Variants in PRKRIP1 observed in about 807,000 individuals in gnomAD.
PRKRIP1 encodes PRKR-interacting protein 1.
In PRKRIP1, 29 loss-of-function variants were observed where a neutral mutation model predicts 29.3. The observed-to-expected ratio is 0.99, with a 90% CI of 0.74 to 1.35. The LOEUF is 1.35. Ranked by LOEUF, PRKRIP1 falls within the 40% of genes most tolerant of loss-of-function variation. The probability of loss-of-function intolerance (pLI) is 0.00; values close to 1 mark genes in which losing one functional copy is unlikely to be tolerated. For missense variants in PRKRIP1, 247 were observed against 236.8 expected (o/e 1.04, Z -0.28); for synonymous variants, 90 against 85.1 (o/e 1.06, Z -0.32).
At chr7:102,419,570 C>T (rs4601239) in intron 5 of PRKRIP1, among the ~76,000 whole-genome samples, 11,141 of 152,204 alleles carry the variant, frequency 0.073, 447 homozygotes, top group African/African-American at 0.093. Context: ...AGCCTCCTCC[C>T]AACCCCCAGC....
chr7:102,416,735 A>C (rs1215690370), intron 5 of PRKRIP1, among the ~76,000 whole-genome samples: 1 of 149,182 alleles, frequency 6.7e-6, no homozygotes, highest in Non-Finnish European at 1.5e-5. Flanking sequence ...GCTGGAGTAC[A>C]GTGGCACCAT....
intron 5 of PRKRIP1, among the ~76,000 whole-genome samples, chr7:102,419,877 G>C (rs998939881): frequency 6.8e-6 from 1 of 147,984 alleles, no homozygotes; most frequent in Non-Finnish European, 1.5e-5. Flanking sequence ...GTGTGTGTGT[G>C]TGTGTGTGTG....
intron 4 of PRKRIP1, among the ~76,000 whole-genome samples, chr7:102,405,008 C>T (rs782444518): frequency 2.6e-5 from 4 of 151,880 alleles, no homozygotes; most frequent in Non-Finnish European, 4.4e-5. Context: ...CTCACTGCAA[C>T]CTCCGCCTCC....
chr7:102,403,056 G>A (rs1308852282), intron 3 of PRKRIP1, among the ~76,000 whole-genome samples: 2 of 152,022 alleles, frequency 1.3e-5, no homozygotes, highest in African/African-American at 4.8e-5. Flanking sequence ...TGTGTTTTTA[G>A]TAGAGACAGG....
intron 5 of PRKRIP1, among the ~76,000 whole-genome samples, chr7:102,418,064 T>A (rs1280451314): frequency 1.3e-5 from 2 of 148,932 alleles, no homozygotes; most frequent in Non-Finnish European, 3.0e-5. Flanking sequence ...TTTTTTTTTT[T>A]AAGATAGAGT....
In PRKRIP1 at chr7:102,397,049, G is replaced by C. The variant is rs1795923707; in HGVS notation, c.126+512G>C. ...CTTATCTAGTAGTGTTAAAGTTGGC[G>C]GTTTCTAGCTGGAAACTATGGCTTA... On this transcript the variant is annotated intron_variant, in intron 1 of 5. Transcript: ENST00000397912. Among the ~76,000 whole-genome samples the C allele has an allele frequency of 3.3e-5, 5 of 151,846 alleles. No homozygotes were observed. In the South Asian group the frequency reaches 1.0e-3, roughly 32 times the overall value.
intron 4 of PRKRIP1, 124 bp downstream of exon 4, chr7:102,404,807 A>T: frequency 7.8e-6 from 5 of 639,780 alleles, no homozygotes; most frequent in Non-Finnish European, 8.1e-6. Flanking sequence ...TAGAGCAATG[A>T]CTTCTACTAC....
At chr7:102,411,934 TTGTTTTGTTTG>T (rs1386188614) in intron 5 of PRKRIP1, among the ~76,000 whole-genome samples, 3 of 68,966 alleles carry the variant, frequency 4.3e-5, no homozygotes, top group African/African-American at 1.4e-4. Context: ...GTTGTTGTTG[TTGTTTTGTTTG>T]TTTGTTTGTT....
chr7:102,417,181 G>A (rs1796576734), intron 5 of PRKRIP1, among the ~76,000 whole-genome samples: 1 of 151,774 alleles, frequency 6.6e-6, no homozygotes, highest in South Asian at 2.1e-4. Flanking sequence ...CTGGAGATGG[G>A]GTCTCATTAT....
chr7:102,420,954 C>G (rs1248152144), intron 5 of PRKRIP1, among the ~76,000 whole-genome samples: 4 of 152,302 alleles, frequency 2.6e-5, no homozygotes, highest in Non-Finnish European at 5.9e-5. Context: ...AGGCACACGC[C>G]TCTCCAGACC....
At chr7:102,416,683 G>GTT (rs11455142) in intron 5 of PRKRIP1, among the ~76,000 whole-genome samples, 11,368 of 143,002 alleles carry the variant, frequency 0.079, 490 homozygotes, top group Non-Finnish European at 0.1. Flanking sequence ...TTTGTGGGGT[G>GTT]TTTTTTTTTT....
chr7:102,415,609 G>A (rs1554572997), intron 5 of PRKRIP1, among the ~76,000 whole-genome samples: 1 of 152,212 alleles, frequency 6.6e-6, no homozygotes, highest in Non-Finnish European at 1.5e-5. Flanking sequence ...CCAAGATCAC[G>A]GAATGCTTCT....
At chr7:102,400,305 A>G (rs980058850) in intron 3 of PRKRIP1, among the ~76,000 whole-genome samples, 1 of 152,082 alleles carries the variant, frequency 6.6e-6, no homozygotes, top group Non-Finnish European at 1.5e-5. Context: ...GTGAAACTCC[A>G]TCTCAAAAAA....
chr7:102,408,171 TCAAAG>T (rs1554572091), intron 5 of PRKRIP1, among the ~76,000 whole-genome samples: 1 of 152,110 alleles, frequency 6.6e-6, no homozygotes, highest in African/African-American at 2.4e-5. Flanking sequence ...GTACCTGTGT[TCAAAG>T]CAAGAAGAAG....
In PRKRIP1 at chr7:102,418,845, ACTTT is replaced by A. The variant is rs113618459; in HGVS notation, c.458-6164_458-6161del. Among the ~76,000 whole-genome samples the A allele has an allele frequency of 2.3e-3, 349 of 152,110 alleles. 2 individuals are homozygous for A. Among genetic ancestry groups the A allele is most frequent in the African/African-American group, 7.9e-3 (327 of 41,494 alleles). On this transcript the variant is annotated intron_variant, in intron 5 of 5. Transcript: ENST00000397912. ...CATTTCAAGAATTACTTAGATCAGC[ACTTT>A]CTTTGTTTTTAATGTTTAAAAAAAA... is the stretch of plus-strand genomic sequence containing the variant.
intron 5 of PRKRIP1, among the ~76,000 whole-genome samples, chr7:102,419,114 T>G (rs1796625856): frequency 6.6e-6 from 1 of 152,132 alleles, no homozygotes; most frequent in East Asian, 1.9e-4. Flanking sequence ...TAAATGACTT[T>G]TAAAATTAGC....
chr7:102,419,161 C>G (rs782748757), intron 5 of PRKRIP1, among the ~76,000 whole-genome samples: 1 of 152,128 alleles, frequency 6.6e-6, no homozygotes, highest in Non-Finnish European at 1.5e-5. Flanking sequence ...CGCCTGTAAT[C>G]CCAGCACTTT....
intron 3 of PRKRIP1, among the ~76,000 whole-genome samples, chr7:102,402,875 C>T (rs1048923105): frequency 2.6e-5 from 4 of 151,672 alleles, no homozygotes; most frequent in Non-Finnish European, 4.4e-5. Flanking sequence ...GTAAGACATT[C>T]ACGGCTCAGC....
chr7:102,423,431 A>C (rs1554574084), intron 5 of PRKRIP1: 5 of 299,964 alleles, frequency 1.7e-5, no homozygotes, highest in Middle Eastern at 1.2e-3. Flanking sequence ...CGATTTCTGC[A>C]GACAACATAG....
Sources: allele counts gnomAD v4.1 joint callset (sites outside exome capture counted in the v4.1 genomes callset), GRCh38; gene constraint gnomAD v4.1.1; transcripts MANE v1.5; gene names NCBI Gene and HGNC (gene_info 2026-07-23, HGNC 2026-07-21).